The following DAB2IP variants were observed in gnomAD, a reference collection of about 807,000 sequenced individuals.
DAB2IP encodes the protein DAB2 interacting protein.
In DAB2IP, 28 loss-of-function variants were observed where a neutral mutation model predicts 107.2. The observed-to-expected ratio is 0.26, with a 90% CI of 0.19 to 0.36. The LOEUF (loss-of-function observed/expected upper bound fraction) is 0.36, where lower values mean the gene tolerates loss of function less well. Among genes scored for constraint, DAB2IP ranks in the 10% least tolerant of loss-of-function variants. DAB2IP has a pLI of 1.00. For synonymous variants in DAB2IP, 755 were observed against 706.4 expected (o/e 1.07, Z -1.09); for missense variants, 1,400 against 1,644.7 (o/e 0.85, Z 2.57).
chr9:121,688,540 A>G lies in DAB2IP; in HGVS notation c.228+9759A>G, dbSNP rs1829006032. Among the ~76,000 whole-genome samples the G allele has an allele frequency of 1.3e-5, 2 of 151,898 alleles. 1 individual carries two copies. Among genetic ancestry groups the G allele is most frequent in the Admixed American group, 1.3e-4 (2 of 15,262 alleles). ...ATCCTTCTACCCACAATTCCTCCCC[A>G]TCTCTCTCTGTCTCCAGAGCTCACT... On this transcript the variant is annotated intron_variant, in intron 2 of 15. Coordinates refer to ENST00000408936, the Ensembl canonical transcript of DAB2IP.
chr9:121,644,844 C>T (rs904501209), intron 1 of DAB2IP, among the ~76,000 whole-genome samples: 1 of 152,194 alleles, frequency 6.6e-6, no homozygotes, highest in African/African-American at 2.4e-5. Flanking sequence ...CTCCAAATCC[C>T]CCACCTGAAT....
chr9:121,749,613 C>G (rs537539659), intron 3 of DAB2IP, among the ~76,000 whole-genome samples: 3 of 152,168 alleles, frequency 2.0e-5, no homozygotes, highest in African/African-American at 7.2e-5. Flanking sequence ...GATGGCTGTG[C>G]TTGGGAGTCC....
intron 3 of DAB2IP, chr9:121,737,379 T>C (rs1832005055): frequency 1.0e-6 from 1 of 985,322 alleles, no homozygotes; most frequent in Admixed American, 6.1e-5. Flanking sequence ...CTGTGTTTAT[T>C]TAAGTCATTT....
intron 1 of DAB2IP, among the ~76,000 whole-genome samples, chr9:121,615,621 AACTT>A (rs1831242981): frequency 1.9e-5 from 2 of 105,912 alleles, no homozygotes; most frequent in Non-Finnish European, 3.7e-5. Flanking sequence ...GCTTTCAAAT[AACTT>A]TCTTTCTTTT....
chr9:121,618,004 T>C (rs1019226772), intron 1 of DAB2IP, among the ~76,000 whole-genome samples: 2 of 152,168 alleles, frequency 1.3e-5, no homozygotes, highest in African/African-American at 4.8e-5. Flanking sequence ...TTTTGTCACA[T>C]TGGGATCACC....
chr9:121,706,905 GGAGGGA>G (rs1266541475), intron 3 of DAB2IP, among the ~76,000 whole-genome samples: 1 of 152,190 alleles, frequency 6.6e-6, no homozygotes, highest in Non-Finnish European at 1.5e-5. Context: ...AAAACCTACG[GGAGGGA>G]GAGGGAAACA....
At chr9:121,670,483 G>T (rs982263273) in intron 1 of DAB2IP, among the ~76,000 whole-genome samples, 1 of 152,332 alleles carries the variant, frequency 6.6e-6, no homozygotes, top group East Asian at 1.9e-4. Context: ...CTTGCTAGGG[G>T]AATTCAATTC....
chr9:121,783,013 T>C, exon 16 of DAB2IP: 1 of 1,021,518 alleles, frequency 9.8e-7, no homozygotes. Context: ...GGCAGGAAGA[T>C]AGGAGGACAC....
chr9:121,728,413 G>A (rs755449262), intron 3 of DAB2IP, among the ~76,000 whole-genome samples: 16 of 152,180 alleles, frequency 1.1e-4, no homozygotes, highest in African/African-American at 2.4e-4. Flanking sequence ...TTTGAGTCCC[G>A]TTCCACTGCA....
At chr9:121,651,487 G>A (rs923842642), upstream of DAB2IP, 63 of 213,318 alleles carry the variant, frequency 3.0e-4, 1 homozygote, top group African/African-American at 1.3e-3. The surrounding 1 kb of genome is among the most constrained non-coding windows in gnomAD (Gnocchi z 5.1). Context: ...ACTCCGGGCC[G>A]CCTCGCCCCG....
At chr9:121,740,182 T>G (rs1396936920) in intron 3 of DAB2IP, among the ~76,000 whole-genome samples, 2 of 152,128 alleles carry the variant, frequency 1.3e-5, no homozygotes, top group Admixed American at 1.3e-4. Context: ...ATGTTCTCTG[T>G]CCACAGCGTA....
At chr9:121,675,863 G>A (rs1387126215) in intron 1 of DAB2IP, among the ~76,000 whole-genome samples, 1 of 152,222 alleles carries the variant, frequency 6.6e-6, no homozygotes, top group Non-Finnish European at 1.5e-5. Context: ...GTGGTGCGAA[G>A]GGGTGAGAGA....
Position 121,778,310 on chromosome 9 carries a change from G to T in DAB2IP, c.3314+1919G>T, listed in dbSNP as rs188535218. Among the ~76,000 whole-genome samples, 75 of 152,260 alleles carry T rather than the reference G, an allele frequency of 4.9e-4. No individual in the cohort carries two copies. The East Asian group carries it at 0.012, about 25-fold the overall frequency. ...ATTAAGATAATCAATCACCTTGGGG[G>T]TTAGGTGTCAACATATGAATTTAGA... On this transcript the variant is annotated intron_variant, in intron 14 of 15. Transcript: ENST00000408936.
intron 3 of DAB2IP, among the ~76,000 whole-genome samples, chr9:121,750,190 T>C (rs1244580719): frequency 6.6e-6 from 1 of 152,224 alleles, no homozygotes; most frequent in Non-Finnish European, 1.5e-5. Flanking sequence ...TGACTTAAAG[T>C]ATCCAAGGTT....
At chr9:121,583,113 C>T (rs753650869) in intron 1 of DAB2IP, among the ~76,000 whole-genome samples, 1 of 152,180 alleles carries the variant, frequency 6.6e-6, no homozygotes, top group Non-Finnish European at 1.5e-5. Flanking sequence ...GCTGGCCGGC[C>T]GCGGTGGCTC....
At chr9:121,773,106 C>T in exon 12 of DAB2IP, 1 of 1,612,484 alleles carries the variant, frequency 6.2e-7, no homozygotes, top group Non-Finnish European at 8.5e-7. Flanking sequence ...CCTGAGCTCA[C>T]ACAGCAACAG....
intron 8 of DAB2IP, among the ~76,000 whole-genome samples, chr9:121,765,095 G>T (rs1302161726): frequency 6.6e-6 from 1 of 152,232 alleles, no homozygotes; most frequent in African/African-American, 2.4e-5. Context: ...CTCAAGATGG[G>T]CCACAAATGT....
intron 1 of DAB2IP, among the ~76,000 whole-genome samples, chr9:121,593,995 G>A (rs1373127265): frequency 1.3e-5 from 2 of 151,848 alleles, no homozygotes; most frequent in African/African-American, 4.8e-5. Flanking sequence ...ACCTGATCAA[G>A]TTCTTTCCAT....
intron 1 of DAB2IP, among the ~76,000 whole-genome samples, chr9:121,596,087 G>T (rs571255539): frequency 6.6e-6 from 1 of 152,288 alleles, no homozygotes; most frequent in Admixed American, 6.5e-5. Context: ...TTAGGAGGCC[G>T]AGGCAGGTGG....
Sources: allele counts gnomAD v4.1 joint callset (sites outside exome capture counted in the v4.1 genomes callset), GRCh38; gene constraint gnomAD v4.1.1; non-coding constraint Gnocchi (gnomAD v3.1); transcripts MANE v1.5; gene names NCBI Gene and HGNC (gene_info 2026-07-23, HGNC 2026-07-21).